Variants in PDE8A observed in about 807,000 individuals in gnomAD.
The protein encoded by PDE8A is high affinity cAMP-specific and IBMX-insensitive 3',5'-cyclic phosphodiesterase 8A.
A neutral mutation model predicts 105.0 loss-of-function variants in PDE8A; 59 were observed. The observed-to-expected ratio is 0.56, with a 90% CI of 0.46 to 0.70. The LOEUF is 0.70. PDE8A is among the 30% of genes least tolerant of loss of function. PDE8A has a pLI of 0.00. For missense variants in PDE8A, 1,014 were observed against 1,045.9 expected, an observed-to-expected ratio of 0.97 and a Z score of 0.42; for synonymous variants, 355 against 371.9, an observed-to-expected ratio of 0.95 and a Z score of 0.52.
intron 1 of PDE8A, among the ~76,000 whole-genome samples, chr15:84,983,756 G>T (rs1278097925): frequency 6.6e-6 from 1 of 152,222 alleles, no homozygotes; most frequent in East Asian, 1.9e-4. Flanking sequence ...CTAACATTTT[G>T]CAGACTAATG....
chr15:84,980,942 G>A (rs1216109341), upstream of PDE8A, among the ~76,000 whole-genome samples: 1 of 152,208 alleles, frequency 6.6e-6, no homozygotes, highest in South Asian at 2.1e-4. Context: ...GCGAGGGAGC[G>A]CACGTGGGCT....
intron 1 of PDE8A, among the ~76,000 whole-genome samples, chr15:85,024,469 A>G (rs2080480123): frequency 6.6e-6 from 1 of 151,812 alleles, no homozygotes; most frequent in Admixed American, 6.5e-5. Flanking sequence ...GGCCTTAGCC[A>G]AGTTCCATGC....
chr15:85,064,880 G>C (rs2081197845), intron 2 of PDE8A, among the ~76,000 whole-genome samples: 1 of 152,050 alleles, frequency 6.6e-6, no homozygotes, highest in Non-Finnish European at 1.5e-5. Flanking sequence ...GCTGAGATGG[G>C]AGAATCACCT....
At position 84,995,132 on chromosome 15, in the gene PDE8A, G is replaced by A. The variant is rs552595509; in HGVS notation, c.186+12784G>A. Among the ~76,000 whole-genome samples, 7 of 152,146 alleles carry A rather than the reference G, an allele frequency of 4.6e-5. No homozygotes were observed. In the South Asian group the frequency reaches 8.3e-4, roughly 18 times the overall value. Reference sequence around the variant, plus strand: ...GTATATTTGCTGAGTTTTGACAAACGCATACATATATCTGCGTAATCCAAA... The same window carrying A: ...GTATATTTGCTGAGTTTTGACAAACACATACATATATCTGCGTAATCCAAA... On this transcript the variant is annotated intron_variant, in intron 1 of 21. Transcript: ENST00000394553.
chr15:85,041,488 C>T (rs189118362), intron 1 of PDE8A, among the ~76,000 whole-genome samples: 4 of 152,334 alleles, frequency 2.6e-5, no homozygotes, highest in East Asian at 3.9e-4. Flanking sequence ...TCCTCTTTGA[C>T]AGTCTGTGCT....
chr15:85,050,434 A>G (rs2080955194), intron 1 of PDE8A, among the ~76,000 whole-genome samples: 1 of 152,152 alleles, frequency 6.6e-6, no homozygotes, highest in Non-Finnish European at 1.5e-5. Context: ...TCTTTTAGGA[A>G]TTCTGTGTAT....
At chr15:85,067,777 A>G (rs532046705) in intron 3 of PDE8A, among the ~76,000 whole-genome samples, 2 of 152,336 alleles carry the variant, frequency 1.3e-5, no homozygotes, top group South Asian at 4.1e-4. Flanking sequence ...TTAAAAACCC[A>G]TGGGTTAAAA....
In PDE8A at chr15:85,099,898, C is replaced by T. The variant is rs560682221; in HGVS notation, c.942-117C>T. On this transcript the variant is annotated intron_variant, in intron 9 of 21. Coordinates refer to ENST00000394553, the MANE Select transcript of PDE8A (RefSeq NM_002605.3). ...CTTGGTCACAGTGAGAAGAAATGTT[C>T]TCAGAGCGTTTTGTGTATTGCAAAA... 41 of 762,806 alleles carry T rather than the reference C, an allele frequency of 5.4e-5. No homozygotes were observed. In the African/African-American group the frequency reaches 5.7e-4, roughly 11 times the overall value. The allele number at this position is 762,806 out of a possible 1,614,324, so 47.3% of individuals were successfully genotyped here.
intron 1 of PDE8A, among the ~76,000 whole-genome samples, chr15:84,985,293 T>C (rs965910594): frequency 3.3e-5 from 5 of 152,254 alleles, no homozygotes; most frequent in Non-Finnish European, 4.4e-5. Flanking sequence ...GGCTGGGTTG[T>C]CTGTATGAAC....
chr15:85,090,182 G>A (rs1298324806), intron 7 of PDE8A, among the ~76,000 whole-genome samples: 1 of 152,178 alleles, frequency 6.6e-6, no homozygotes, highest in Non-Finnish European at 1.5e-5. Flanking sequence ...AGACGGGCCT[G>A]GGCTCCATCC....
At chr15:84,984,504 T>A (rs1488485036) in intron 1 of PDE8A, among the ~76,000 whole-genome samples, 1 of 152,250 alleles carries the variant, frequency 6.6e-6, no homozygotes, top group Non-Finnish European at 1.5e-5. Flanking sequence ...CAAAATTTCT[T>A]ATTAAAACTG....
At chr15:85,107,642 A>G (rs1350111186) in intron 11 of PDE8A, among the ~76,000 whole-genome samples, 6 of 152,178 alleles carry the variant, frequency 3.9e-5, no homozygotes, top group Non-Finnish European at 8.8e-5. Flanking sequence ...CTTATGGTAC[A>G]TGCTGTTCAG....
intron 1 of PDE8A, among the ~76,000 whole-genome samples, chr15:85,058,123 C>T (rs2081090861): frequency 6.6e-6 from 1 of 152,058 alleles, no homozygotes; most frequent in African/African-American, 2.4e-5. Context: ...CTCTGTTGCC[C>T]AAGTTGGAAT....
At chr15:85,115,293 G>C in intron 14 of PDE8A, 146 bp from the exon 15 acceptor site, 1 of 599,056 alleles carries the variant, frequency 1.7e-6, no homozygotes, top group Non-Finnish European at 2.9e-6. Context: ...CAATCACAGG[G>C]GTGGACCTGC....
rs765151986 is a variant in PDE8A at position 85,116,065 on chromosome 15, ATG to A, written c.1482_1483del (p.Asn494LysfsTer7). 9 of 1,614,068 alleles carry A rather than the reference ATG, an allele frequency of 5.6e-6. No homozygotes were observed. Among genetic ancestry groups the A allele is most frequent in the Non-Finnish European group, 5.9e-6 (7 of 1,179,914 alleles). The stretch of plus-strand genomic sequence containing the variant: ...CCACGGATAGCTCGGGCCATGGAAA[ATG>A]AGGAATACTGGGACTTTGATATTTT... On this transcript the variant is annotated frameshift_variant, in exon 16 of 22. Coordinates refer to ENST00000394553, the MANE Select transcript of PDE8A (RefSeq NM_002605.3). LOFTEE classifies it high-confidence loss of function.
chr15:85,126,169 A>T (rs2082255360), intron 19 of PDE8A, 38 bp from the exon 20 acceptor site: 2 of 1,520,112 alleles, frequency 1.3e-6, no homozygotes, highest in South Asian at 1.2e-5. Flanking sequence ...GCACCAAGGG[A>T]TCCATTTTGA....
chr15:85,091,987 G>A (rs1182567699), intron 8 of PDE8A, among the ~76,000 whole-genome samples: 1 of 136,024 alleles, frequency 7.4e-6, no homozygotes, highest in East Asian at 2.4e-4. Flanking sequence ...TTGGTGACTT[G>A]TGCAGCCTGC....
chr15:85,065,014 A>G (rs899321444), intron 2 of PDE8A, among the ~76,000 whole-genome samples: 1 of 152,126 alleles, frequency 6.6e-6, no homozygotes, highest in Non-Finnish European at 1.5e-5. Context: ...ATAAATAAAA[A>G]ATGTGTATAA....
At chr15:85,115,335 G>C (rs1474324858) in intron 14 of PDE8A, 104 bp from the exon 15 acceptor site, 1 of 704,306 alleles carries the variant, frequency 1.4e-6, no homozygotes, top group Non-Finnish European at 2.4e-6. Flanking sequence ...TGCATTGGTG[G>C]AGAGGGCTGC....
Sources: gnomAD v4.1 joint callset for allele counts (sites outside exome capture counted in the v4.1 genomes callset) on GRCh38, gnomAD v4.1.1 for gene constraint, MANE v1.5 for transcripts, NCBI Gene and HGNC (gene_info 2026-07-23, HGNC 2026-07-21) for gene names.